The following TENM2 variants were observed in gnomAD, a reference collection of about 807,000 sequenced individuals.
The protein encoded by TENM2 is teneurin-2.
TENM2 carries 52 observed loss-of-function variants against 245.2 expected under a neutral mutation model. The ratio of observed to expected loss-of-function variants is 0.21; its 90% CI spans 0.17 to 0.27. The LOEUF is 0.27. Ranked by LOEUF, TENM2 falls within the 10% of genes least tolerant of loss-of-function variation. The pLI, the probability that TENM2 is intolerant of heterozygous loss-of-function variation, is 1.00. For missense variants in TENM2, 3,046 were observed against 3,666.8 expected, an observed-to-expected ratio of 0.83 and a Z score of 4.37; for synonymous variants, 1,363 against 1,438.9, an observed-to-expected ratio of 0.95 and a Z score of 1.19.
intron 2 of TENM2, among the ~76,000 whole-genome samples, chr5:167,869,198 G>GA (rs1772594750): frequency 6.6e-6 from 1 of 152,186 alleles, no homozygotes; most frequent in Non-Finnish European, 1.5e-5. Flanking sequence ...AATAAGGCAG[G>GA]TATGAAGGAA....
chr5:168,033,530 CATTATT>C (rs1051530402), intron 5 of TENM2, among the ~76,000 whole-genome samples: 2 of 152,012 alleles, frequency 1.3e-5, no homozygotes, highest in African/African-American at 4.8e-5. Context: ...TGACTATTAT[CATTATT>C]ATTAGCCTGG....
At chr5:167,407,713 A>G (rs943228138) in intron 2 of TENM2, among the ~76,000 whole-genome samples, 1 of 152,106 alleles carries the variant, frequency 6.6e-6, no homozygotes, top group Non-Finnish European at 1.5e-5. Flanking sequence ...GCTACTCTGG[A>G]GGCTGAGGCA....
At chr5:168,133,893 G>A (rs1266350802) in intron 12 of TENM2, among the ~76,000 whole-genome samples, 1 of 152,184 alleles carries the variant, frequency 6.6e-6, no homozygotes, top group Non-Finnish European at 1.5e-5. Context: ...GGTGGCTCAT[G>A]CCTGTAATCC....
At chr5:167,949,163 A>C (rs1172841102) in intron 3 of TENM2, among the ~76,000 whole-genome samples, 1 of 152,200 alleles carries the variant, frequency 6.6e-6, no homozygotes, top group African/African-American at 2.4e-5. Flanking sequence ...ACATAAATAC[A>C]TACAGCCAGC....
At chr5:167,883,846 T>C (rs949408850) in intron 3 of TENM2, among the ~76,000 whole-genome samples, 1 of 152,220 alleles carries the variant, frequency 6.6e-6, no homozygotes, top group Non-Finnish European at 1.5e-5. Context: ...CCCCAGTCCC[T>C]TGTTAGGGAT....
At chr5:167,631,259 A>C (rs188909777) in intron 2 of TENM2, among the ~76,000 whole-genome samples, 1 of 152,330 alleles carries the variant, frequency 6.6e-6, no homozygotes, top group Admixed American at 6.5e-5. Context: ...ATGAAATAAT[A>C]AAACGAAGAG....
chr5:167,547,327 C>A (rs1448653961), intron 2 of TENM2, among the ~76,000 whole-genome samples: 1 of 152,112 alleles, frequency 6.6e-6, no homozygotes, highest in Non-Finnish European at 1.5e-5. Flanking sequence ...CGCCTCAGCA[C>A]CCCAAAGTGC....
chr5:167,952,357 G>C (rs1236659859), intron 3 of TENM2: 2 of 587,498 alleles, frequency 3.4e-6, no homozygotes, highest in African/African-American at 3.7e-5. Context: ...TGCTAAATTA[G>C]TTTCTCATTA....
chr5:168,010,869 T>G (rs1480332677), intron 5 of TENM2, among the ~76,000 whole-genome samples: 1 of 152,248 alleles, frequency 6.6e-6, no homozygotes, highest in East Asian at 1.9e-4. Flanking sequence ...GGGGCGTTAT[T>G]AAAAAATGGA....
At chr5:168,151,544 G>A (rs1015990712) in intron 12 of TENM2, among the ~76,000 whole-genome samples, 1 of 152,208 alleles carries the variant, frequency 6.6e-6, no homozygotes, top group Admixed American at 6.5e-5. Context: ...GCGACCCTCT[G>A]GGGTTCTATT....
Position 168,235,373 on chromosome 5 carries a change from A to G in TENM2, c.5520+7243A>G, listed in dbSNP as rs184953152. Among the ~76,000 whole-genome samples, 131 of 152,354 alleles carry G rather than the reference A, an allele frequency of 8.6e-4. 1 individual carries two copies. Among genetic ancestry groups the G allele is most frequent in the African/African-American group, 3.1e-3 (127 of 41,582 alleles). On this transcript the variant is annotated intron_variant, in intron 25 of 28. Coordinates refer to ENST00000518659, the Ensembl canonical transcript of TENM2. ...GGGCAAGCCTCTGCAAACAGATTAA[A>G]TAATGTATTCCCCAAGCAAACATTA...
intron 3 of TENM2, among the ~76,000 whole-genome samples, chr5:167,946,480 C>T (rs568566510): frequency 2.0e-5 from 3 of 152,284 alleles, no homozygotes; most frequent in Non-Finnish European, 4.4e-5. Context: ...AAGCAGCATC[C>T]GTGAGGTGGT....
At chr5:167,706,180 C>T (rs1758507637) in intron 2 of TENM2, among the ~76,000 whole-genome samples, 1 of 143,682 alleles carries the variant, frequency 7.0e-6, no homozygotes, top group Non-Finnish European at 1.5e-5. Context: ...ATATATTATG[C>T]ATAGTATAAT....
intron 2 of TENM2, among the ~76,000 whole-genome samples, chr5:167,868,477 G>A (rs944670959): frequency 5.3e-5 from 8 of 151,826 alleles, no homozygotes; most frequent in Non-Finnish European, 1.2e-4. Flanking sequence ...AGTGGCTCAC[G>A]CCTGTAATCC....
At chr5:167,902,287 G>T (rs145758039) in intron 3 of TENM2, among the ~76,000 whole-genome samples, 1 of 152,182 alleles carries the variant, frequency 6.6e-6, no homozygotes. Flanking sequence ...AGTGTAAAAA[G>T]TGCTCGACAA....
the TENM2 span, among the ~76,000 whole-genome samples, chr5:167,104,972 C>A: frequency 6.6e-6 from 1 of 152,166 alleles, no homozygotes; most frequent in Non-Finnish European, 1.5e-5. Flanking sequence ...ATCCTTTCTG[C>A]AAATGCATTT....
At chr5:167,563,184 A>G (rs568378150) in intron 2 of TENM2, among the ~76,000 whole-genome samples, 17 of 152,314 alleles carry the variant, frequency 1.1e-4, no homozygotes, top group Admixed American at 5.2e-4. Flanking sequence ...CAAGCACATC[A>G]TAAACTTTGT....
chr5:167,416,205 G>A (rs571294717), intron 2 of TENM2, among the ~76,000 whole-genome samples: 10 of 152,200 alleles, frequency 6.6e-5, no homozygotes, highest in Non-Finnish European at 1.3e-4. Context: ...AAGCCAGTGT[G>A]TGGATGCCTT....
At chr5:167,070,903 A>G in the TENM2 span, among the ~76,000 whole-genome samples, 65,861 of 151,936 alleles carry the variant, frequency 0.43, 14,916 homozygotes, top group African/African-American at 0.52. Flanking sequence ...ACATTTTTCT[A>G]TTGCCTAAAA....
Sources: gnomAD v4.1 joint callset for allele counts (sites outside exome capture counted in the v4.1 genomes callset) on GRCh38, gnomAD v4.1.1 for gene constraint, MANE v1.5 for transcripts, NCBI Gene and HGNC (gene_info 2026-07-23, HGNC 2026-07-21) for gene names.